The following CDKAL1 variants were observed in gnomAD, a reference collection of about 807,000 sequenced individuals.
CDKAL1 encodes the protein CDKAL1 threonylcarbamoyladenosine tRNA methylthiotransferase.
A neutral mutation model predicts 68.2 loss-of-function variants in CDKAL1; 32 were observed. The observed-to-expected ratio is 0.47, with a 90% CI of 0.35 to 0.63. The LOEUF is 0.63. Among genes scored for constraint, CDKAL1 ranks in the 30% least tolerant of loss-of-function variants. The probability of loss-of-function intolerance (pLI) is 0.00; values close to 1 mark genes in which losing one functional copy is unlikely to be tolerated. For missense variants in CDKAL1, 606 were observed against 696.7 expected (o/e 0.87, Z 1.47); for synonymous variants, 234 against 244.3 (o/e 0.96, Z 0.39).
rs1488642414 is a variant in CDKAL1 at position 20,819,794 on chromosome 6, T to G, written c.639-26281T>G. Among the ~76,000 whole-genome samples the G allele has an allele frequency of 4.6e-5, 7 of 152,262 alleles. No homozygotes were observed. The East Asian group carries it at 9.6e-4, about 21-fold the overall frequency. ...GATTTTTATTATAGAGATCAGAAGA[T>G]AGCAGTAAATACAGTGTCAAAAATT... On this transcript the variant is annotated intron_variant, in intron 8 of 15. Transcript: ENST00000274695.
At chr6:20,734,863 CTTTTTT>C (rs34104100) in intron 5 of CDKAL1, among the ~76,000 whole-genome samples, 23 of 87,724 alleles carry the variant, frequency 2.6e-4, no homozygotes, top group African/African-American at 6.2e-4. Flanking sequence ...TGCTGCACCT[CTTTTTT>C]TTTTTTTTTT....
chr6:20,927,184 T>C (rs1414756091), intron 9 of CDKAL1, among the ~76,000 whole-genome samples: 2 of 152,178 alleles, frequency 1.3e-5, no homozygotes, highest in Non-Finnish European at 2.9e-5. Context: ...GCCTTTCTTA[T>C]ATTAAATATT....
At chr6:20,772,469 TGC>T (rs1313557823) in intron 7 of CDKAL1, among the ~76,000 whole-genome samples, 1 of 152,236 alleles carries the variant, frequency 6.6e-6, no homozygotes, top group Non-Finnish European at 1.5e-5. Flanking sequence ...CATATCTGCT[TGC>T]AAAAGATATA....
intron 5 of CDKAL1, among the ~76,000 whole-genome samples, chr6:20,706,166 A>G (rs754608067): frequency 6.6e-6 from 1 of 152,162 alleles, no homozygotes; most frequent in Non-Finnish European, 1.5e-5. Context: ...GGAAAGCCCT[A>G]TGGTGCTACC....
At chr6:21,175,033 G>A (rs1777528548) in intron 13 of CDKAL1, among the ~76,000 whole-genome samples, 1 of 152,160 alleles carries the variant, frequency 6.6e-6, no homozygotes, top group Non-Finnish European at 1.5e-5. Flanking sequence ...GGTTTTAAGT[G>A]GAGGCACGAC....
intron 15 of CDKAL1, among the ~76,000 whole-genome samples, chr6:21,212,403 G>A (rs1186108576): frequency 1.3e-5 from 2 of 152,132 alleles, no homozygotes; most frequent in Non-Finnish European, 2.9e-5. Flanking sequence ...TAAGCAGATT[G>A]CAAAAGCCCC....
chr6:21,017,181 C>T (rs1480606677), intron 11 of CDKAL1, among the ~76,000 whole-genome samples: 1 of 152,222 alleles, frequency 6.6e-6, no homozygotes, highest in African/African-American at 2.4e-5. Context: ...ATGTCCTCTC[C>T]TACAGACTCC....
At chr6:21,022,535 G>A (rs1259436130) in intron 11 of CDKAL1, among the ~76,000 whole-genome samples, 1 of 152,168 alleles carries the variant, frequency 6.6e-6, no homozygotes, top group African/African-American at 2.4e-5. Flanking sequence ...CTCATGCTTA[G>A]ACTTGACAAC....
chr6:20,784,458 C>G (rs1775582605), intron 8 of CDKAL1, among the ~76,000 whole-genome samples: 1 of 74,032 alleles, frequency 1.4e-5, no homozygotes, highest in Non-Finnish European at 2.5e-5. Flanking sequence ...GAGTCTCACT[C>G]TGTCACCCAG....
chr6:21,030,935 A>G (rs1352484045), intron 11 of CDKAL1, among the ~76,000 whole-genome samples: 1 of 151,958 alleles, frequency 6.6e-6, no homozygotes, highest in African/African-American at 2.4e-5. Flanking sequence ...CCTCATTTCA[A>G]ACTCTGTATT....
At chr6:20,781,371 G>A (rs1049551871) in intron 8 of CDKAL1, 106 bp downstream of exon 8, 3 of 1,004,106 alleles carry the variant, frequency 3.0e-6, no homozygotes, top group African/African-American at 1.6e-5. Flanking sequence ...ATTTTCTTGG[G>A]AAAGAAAAAT....
chr6:20,874,621 T>G (rs1211071471), intron 9 of CDKAL1, among the ~76,000 whole-genome samples: 1 of 152,040 alleles, frequency 6.6e-6, no homozygotes, highest in Non-Finnish European at 1.5e-5. Context: ...TTCAAGCGAT[T>G]CTCTTGCGGA....
chr6:21,177,477 T>G (rs775877801), intron 13 of CDKAL1, among the ~76,000 whole-genome samples: 1 of 152,224 alleles, frequency 6.6e-6, no homozygotes, highest in Non-Finnish European at 1.5e-5. Flanking sequence ...TGCCTAATTC[T>G]GTTTAGAAGC....
chr6:20,965,074 G>T (rs1765235546), intron 10 of CDKAL1, among the ~76,000 whole-genome samples: 1 of 152,056 alleles, frequency 6.6e-6, no homozygotes, highest in Admixed American at 6.5e-5. Context: ...TGTTTGGGAG[G>T]CCAAGACAGG....
intron 11 of CDKAL1, among the ~76,000 whole-genome samples, chr6:21,023,640 A>G (rs1768803326): frequency 6.6e-6 from 1 of 151,994 alleles, no homozygotes; most frequent in Non-Finnish European, 1.5e-5. Flanking sequence ...GGATGGTTCC[A>G]TTTTCTAATG....
chr6:20,852,760 G>T (rs895639482), intron 9 of CDKAL1, among the ~76,000 whole-genome samples: 5 of 152,162 alleles, frequency 3.3e-5, no homozygotes, highest in Admixed American at 6.6e-5. Flanking sequence ...GCAACAAAGG[G>T]TACCCTTTTT....
At chr6:20,814,229 T>C (rs1214283536) in intron 8 of CDKAL1, among the ~76,000 whole-genome samples, 1 of 152,100 alleles carries the variant, frequency 6.6e-6, no homozygotes, top group Non-Finnish European at 1.5e-5. Context: ...TGTTTGTTAC[T>C]ATTATATAAA....
intron 10 of CDKAL1, among the ~76,000 whole-genome samples, chr6:20,981,229 G>A (rs1393940603): frequency 6.6e-6 from 1 of 152,110 alleles, no homozygotes; most frequent in Non-Finnish European, 1.5e-5. Context: ...CACCCAGATG[G>A]GAGTATTCCA....
intron 8 of CDKAL1, among the ~76,000 whole-genome samples, chr6:20,786,494 CTTTT>C (rs1197574844): frequency 1.2e-5 from 1 of 80,730 alleles, no homozygotes; most frequent in Non-Finnish European, 2.2e-5. Context: ...TTTTTCTTAT[CTTTT>C]TTTTTTTTTT....
Sources: gnomAD v4.1 joint callset for allele counts (sites outside exome capture counted in the v4.1 genomes callset) on GRCh38, gnomAD v4.1.1 for gene constraint, MANE v1.5 for transcripts, NCBI Gene and HGNC (gene_info 2026-07-23, HGNC 2026-07-21) for gene names.